The following SLC28A3 variants were observed in gnomAD, a reference collection of about 807,000 sequenced individuals.
SLC28A3 encodes the protein solute carrier family 28 member 3, also known as concentrative Na(+)-nucleoside cotransporter 3.
SLC28A3 carries 68 observed loss-of-function variants against 84.2 expected under a neutral mutation model. That is an observed-to-expected ratio of 0.81 (90% CI 0.66 to 0.99). SLC28A3 has a LOEUF of 0.99. Among genes scored for constraint, SLC28A3 ranks in the 50% least tolerant of loss-of-function variants. The pLI, the probability that SLC28A3 is intolerant of heterozygous loss-of-function variation, is 0.00. For synonymous variants in SLC28A3, 267 were observed against 303.6 expected (o/e 0.88, Z 1.25); for missense variants, 712 against 841.5 (o/e 0.85, Z 1.90).
chr9:84,356,842 T>TAAATAAAATA, the SLC28A3 span, among the ~76,000 whole-genome samples: 2,720 of 151,504 alleles, frequency 0.018, 28 homozygotes, highest in South Asian at 0.037. Flanking sequence ...AAAAAATAAA[T>TAAATAAAATA]AAATAAAATA....
chr9:84,348,444 T>A, the SLC28A3 span, among the ~76,000 whole-genome samples: 1 of 152,094 alleles, frequency 6.6e-6, no homozygotes, highest in African/African-American at 2.4e-5. Context: ...AAGCTTGGGC[T>A]AGTTACTAGT....
chr9:84,307,347 C>A (rs1241519107), intron 3 of SLC28A3, among the ~76,000 whole-genome samples: 1 of 148,404 alleles, frequency 6.7e-6, no homozygotes, highest in Non-Finnish European at 1.5e-5. Flanking sequence ...AGGAGAATCG[C>A]TTGAATCTAG....
chr9:84,299,321 C>T (rs61528775), intron 6 of SLC28A3, among the ~76,000 whole-genome samples: 4,090 of 151,894 alleles, frequency 0.027, 181 homozygotes, highest in African/African-American at 0.087. Context: ...GGAGGGTATG[C>T]GAGAAGAAAT....
At chr9:84,366,355 G>T in the SLC28A3 span, among the ~76,000 whole-genome samples, 1 of 152,002 alleles carries the variant, frequency 6.6e-6, no homozygotes, top group African/African-American at 2.4e-5. Context: ...TGTCTGAAAG[G>T]CCAAATATCT....
At chr9:84,330,412 G>T (rs1826735187) in intron 1 of SLC28A3, among the ~76,000 whole-genome samples, 1 of 152,152 alleles carries the variant, frequency 6.6e-6, no homozygotes, top group African/African-American at 2.4e-5. Context: ...AACCAGATCT[G>T]TGTGTGTGTA....
chr9:84,279,168 G>A (rs1161181042), intron 17 of SLC28A3, 97 bp downstream of exon 17: 29 of 1,038,594 alleles, frequency 2.8e-5, no homozygotes, highest in Middle Eastern at 5.0e-4. Flanking sequence ...GCAAGACTCC[G>A]TCTCAAAAAA....
At chr9:84,305,231 C>T (rs546233147) in intron 4 of SLC28A3, 23 bp downstream of exon 4, 13 of 1,553,202 alleles carry the variant, frequency 8.4e-6, no homozygotes, top group Non-Finnish European at 1.1e-5. Flanking sequence ...ACAGTGGTAT[C>T]CCTAACCATC....
the SLC28A3 span, among the ~76,000 whole-genome samples, chr9:84,356,205 C>G: frequency 6.6e-6 from 1 of 152,150 alleles, no homozygotes; most frequent in Non-Finnish European, 1.5e-5. Context: ...CCCAGTTCAG[C>G]CCATGGGATT....
intron 1 of SLC28A3, among the ~76,000 whole-genome samples, chr9:84,329,158 G>C (rs890926504): frequency 6.6e-6 from 1 of 152,028 alleles, no homozygotes; most frequent in African/African-American, 2.4e-5. Context: ...TGGCAAAAGG[G>C]TCAATTTATC....
chr9:84,298,122 T>G (rs1292213060), intron 6 of SLC28A3, 103 bp from the exon 7 acceptor site: 10 of 926,450 alleles, frequency 1.1e-5, no homozygotes, highest in Non-Finnish European at 1.7e-5. Context: ...CTATCAGATG[T>G]GGCCTGTCAC....
the SLC28A3 span, among the ~76,000 whole-genome samples, chr9:84,357,526 T>A: frequency 2.0e-5 from 3 of 152,006 alleles, no homozygotes; most frequent in Non-Finnish European, 4.4e-5. Flanking sequence ...TAAATGGGCA[T>A]GGCTGATCAC....
In SLC28A3 at chr9:84,279,364, A is replaced by G. The variant is rs760332361; in HGVS notation, c.1850T>C (p.Val617Ala). The change falls in exon 17 of 18, where the codon GTG (valine) becomes GCG (alanine). Residue 617 changes from valine (V) to alanine (A), a missense_variant. Coordinates refer to ENST00000376238, the MANE Select transcript of SLC28A3 (RefSeq NM_001199633.2). ...TAAAACGTGATGGCAGTTGATGTCCACAGGAGTGCTGGAGAGTATGCCTAG... is the reference window on the plus strand; with the variant it reads ...TAAAACGTGATGGCAGTTGATGTCCGCAGGAGTGCTGGAGAGTATGCCTAG... The part of the protein sequence containing the change: ...CIAGILSSTP[V>A]DINCHHVLEN... The G allele has an allele frequency of 1.6e-5, 25 of 1,610,298 alleles. No homozygotes were observed. The highest frequency in any genetic ancestry group is 2.0e-5 in the Non-Finnish European group (24 of 1,178,050).
Position 84,291,826 on chromosome 9 carries a change from G to A in SLC28A3, c.1023+842C>T, listed in dbSNP as rs577973685. 6.4e-4 allele frequency among the ~76,000 whole-genome samples: 97 copies of A among 152,278 alleles called. 1 individual carries two copies. Among genetic ancestry groups the A allele is most frequent in the African/African-American group, 2.1e-3 (86 of 41,554 alleles). ...AGCGTTCATACCTGGTTTTCGTGGC[G>A]TGTGACTCCATTCTGCCTGAAGCTG... is the stretch of plus-strand genomic sequence containing the variant. On this transcript the variant is annotated intron_variant, in intron 10 of 17. Coordinates refer to ENST00000376238, the MANE Select transcript of SLC28A3 (RefSeq NM_001199633.2).
At chr9:84,341,427 T>A (rs1827156422), upstream of SLC28A3, among the ~76,000 whole-genome samples, 3 of 152,038 alleles carry the variant, frequency 2.0e-5, no homozygotes, top group South Asian at 6.2e-4. Context: ...CAGGGATGGA[T>A]AGATGGATAG....
intron 11 of SLC28A3, among the ~76,000 whole-genome samples, chr9:84,289,292 A>G (rs1375852616): frequency 6.6e-6 from 1 of 152,134 alleles, no homozygotes; most frequent in Non-Finnish European, 1.5e-5. Flanking sequence ...AAGACCTACA[A>G]TGAAGCCCAC....
intron 3 of SLC28A3, 113 bp from the exon 4 acceptor site, chr9:84,305,458 G>A (rs1473939326): frequency 2.4e-6 from 2 of 830,474 alleles, no homozygotes; most frequent in Admixed American, 2.3e-5. Flanking sequence ...AAACACATGT[G>A]TGAGGCGTAT....
At chr9:84,366,491 T>C in the SLC28A3 span, among the ~76,000 whole-genome samples, 1 of 152,308 alleles carries the variant, frequency 6.6e-6, no homozygotes, top group South Asian at 2.1e-4. Context: ...AAGTGTTTAT[T>C]GTAGTCTTCA....
chr9:84,319,029 G>A (rs1373159188), intron 1 of SLC28A3, among the ~76,000 whole-genome samples: 1 of 152,102 alleles, frequency 6.6e-6, no homozygotes, highest in African/African-American at 2.4e-5. Context: ...TGATTCCAGG[G>A]ATTATGATTC....
rs190754536 is a variant in SLC28A3, at chr9:84,276,331, A to G, written c.*1887T>C. On this transcript the variant is annotated 3_prime_UTR_variant, in exon 18 of 18. Transcript: ENST00000376238. The stretch of plus-strand genomic sequence containing the variant: ...AGTTAAATATATTAAAATTAATTTT[A>G]CTTGTTTTTTAGCGTGGCTACTAGA... The G allele has an allele frequency of 6.6e-4, 95 of 144,932 alleles. No individual in the cohort carries two copies. The highest frequency in any genetic ancestry group is 2.5e-3 in the African/African-American group (93 of 37,958). The allele number at this position is 144,932 out of a possible 1,614,324, so 9.0% of individuals were successfully genotyped here. A position where few individuals can be genotyped will look rare whatever the true frequency, so the allele number is the denominator to read the frequency against.
Sources: gnomAD v4.1 joint callset for allele counts (sites outside exome capture counted in the v4.1 genomes callset) on GRCh38, gnomAD v4.1.1 for gene constraint, MANE v1.5 for transcripts, NCBI Gene and HGNC (gene_info 2026-07-23, HGNC 2026-07-21) for gene names.